The following SLC67A1 variants were observed in gnomAD, a reference collection of about 807,000 sequenced individuals.
The protein encoded by SLC67A1 is solute carrier family 67 member A1.
At chr11:2,909,147 G>A in the SLC67A1 span, 70 of 1,439,524 alleles carry the variant, frequency 4.9e-5, no homozygotes, top group Non-Finnish European at 6.2e-5. Flanking sequence ...CGGGGGGAAG[G>A]GGACACTGAC....
chr11:2,906,946 G>A, the SLC67A1 span, among the ~76,000 whole-genome samples: 1 of 151,982 alleles, frequency 6.6e-6, no homozygotes, highest in Non-Finnish European at 1.5e-5. Context: ...GGGGAGGGAT[G>A]GAGGAGGCAG....
the SLC67A1 span, among the ~76,000 whole-genome samples, chr11:2,901,616 G>A: frequency 6.6e-6 from 1 of 152,260 alleles, no homozygotes; most frequent in Non-Finnish European, 1.5e-5. Context: ...CTCCTGCTGC[G>A]GAGGGCGGCA....
At chr11:2,909,118 C>G in the SLC67A1 span, 15 of 1,349,504 alleles carry the variant, frequency 1.1e-5, no homozygotes, top group African/African-American at 1.8e-4. Flanking sequence ...TGGTCAGCCC[C>G]GCCTGGGCAG....
At chr11:2,923,028 C>T in the SLC67A1 span, among the ~76,000 whole-genome samples, 49 of 152,316 alleles carry the variant, frequency 3.2e-4, no homozygotes, top group East Asian at 9.1e-3. This position sits in a 1 kb window ranked among gnomAD's most constrained non-coding sequence, Gnocchi z 6.5. Flanking sequence ...ACACAGGTCC[C>T]CTAGACATAG....
chr11:2,914,721 T>A, the SLC67A1 span: 1 of 985,378 alleles, frequency 1.0e-6, no homozygotes, highest in African/African-American at 1.7e-5. Flanking sequence ...GCCATCGAAG[T>A]GGTGCGTCTG....
chr11:2,922,203 G>A, the SLC67A1 span: 3 of 1,612,446 alleles, frequency 1.9e-6, no homozygotes, highest in Non-Finnish European at 2.5e-6. Flanking sequence ...GCCTGGCCAT[G>A]GTGAGGGCTC....
At chr11:2,905,620 A>G in the SLC67A1 span, among the ~76,000 whole-genome samples, 1 of 152,204 alleles carries the variant, frequency 6.6e-6, no homozygotes, top group Non-Finnish European at 1.5e-5. Context: ...TATTGTAAAC[A>G]GTGCCGCGAT....
chr11:2,902,212 G>A, the SLC67A1 span: 1 of 152,258 alleles, frequency 6.6e-6, no homozygotes, highest in Non-Finnish European at 1.5e-5. Flanking sequence ...AAAGCGCGAG[G>A]GCTGGAACTC....
At chr11:2,899,835 C>G in the SLC67A1 span, 14 of 994,648 alleles carry the variant, frequency 1.4e-5, 1 homozygote, top group Middle Eastern at 3.3e-3. Context: ...CACCACACCT[C>G]AGCGCCAGAG....
the SLC67A1 span, chr11:2,914,627 G>A: frequency 1.2e-6 from 1 of 834,736 alleles, no homozygotes. Flanking sequence ...GCCCACAGCA[G>A]CACAGGCCTT....
chr11:2,909,609 A>C, the SLC67A1 span: 1 of 1,531,086 alleles, frequency 6.5e-7, no homozygotes, highest in Non-Finnish European at 8.7e-7. Context: ...ACCTGTCGGC[A>C]CCCGAGGAGC....
chr11:2,916,799 G>T, the SLC67A1 span: 1 of 1,476,644 alleles, frequency 6.8e-7, no homozygotes, highest in Non-Finnish European at 9.4e-7. Flanking sequence ...CATTGGCTAG[G>T]CCTGCGTGCT....
At chr11:2,909,268 C>G in the SLC67A1 span, 2 of 1,535,572 alleles carry the variant, frequency 1.3e-6, no homozygotes, top group Non-Finnish European at 1.7e-6. Context: ...TCTACCTGCT[C>G]CTGGCGGCCG....
the SLC67A1 span, chr11:2,903,250 T>C: frequency 6.5e-7 from 1 of 1,540,264 alleles, no homozygotes. Context: ...ACCCAGTGAC[T>C]CAGCACCCCT....
the SLC67A1 span, among the ~76,000 whole-genome samples, chr11:2,918,640 C>T: frequency 2.0e-5 from 3 of 152,234 alleles, no homozygotes; most frequent in African/African-American, 7.2e-5. Context: ...TCCCACCCAG[C>T]CCACCTAGGC....
the SLC67A1 span, chr11:2,903,466 T>C: frequency 6.2e-7 from 1 of 1,613,186 alleles, no homozygotes; most frequent in African/African-American, 1.3e-5. Context: ...TACCTGCCTC[T>C]TCATGCAGTT....
At chr11:2,919,218 T>C in the SLC67A1 span, 24 of 922,114 alleles carry the variant, frequency 2.6e-5, no homozygotes, top group Middle Eastern at 4.5e-4. Flanking sequence ...CCAGACACCC[T>C]GATTGGCCAG....
chr11:2,915,333 C>T, the SLC67A1 span: 168 of 767,760 alleles, frequency 2.2e-4, 2 homozygotes, highest in South Asian at 9.1e-3. Context: ...CGAGGAAAGT[C>T]CTTTCTTTGA....
the SLC67A1 span, among the ~76,000 whole-genome samples, chr11:2,917,762 G>C: frequency 6.6e-6 from 1 of 152,234 alleles, no homozygotes; most frequent in Non-Finnish European, 1.5e-5. Context: ...GGGGATTCAG[G>C]GGGCCCCTAG....
Sources: gnomAD v4.1 joint callset for allele counts (sites outside exome capture counted in the v4.1 genomes callset) on GRCh38, gnomAD v4.1.1 for gene constraint, Gnocchi (gnomAD v3.1) non-coding constraint, MANE v1.5 for transcripts, NCBI Gene and HGNC (gene_info 2026-07-23, HGNC 2026-07-21) for gene names.